The following HIPK2 variants were observed in gnomAD, a reference collection of about 807,000 sequenced individuals.
HIPK2 encodes homeodomain interacting protein kinase 2.
A neutral mutation model predicts 113.7 loss-of-function variants in HIPK2; 27 were observed. The observed-to-expected ratio is 0.24, with a 90% CI of 0.17 to 0.33. HIPK2 has a LOEUF of 0.33. Ranked by LOEUF, HIPK2 falls within the 10% of genes least tolerant of loss-of-function variation. HIPK2 has a pLI of 1.00. For synonymous variants in HIPK2, 631 were observed against 642.2 expected (o/e 0.98, Z 0.26); for missense variants, 1,257 against 1,588.0 (o/e 0.79, Z 3.54).
At chr7:139,739,946 T>G (rs1796050479) in intron 1 of HIPK2, among the ~76,000 whole-genome samples, 1 of 152,238 alleles carries the variant, frequency 6.6e-6, no homozygotes, top group African/African-American at 2.4e-5. Flanking sequence ...ACACTTTGTG[T>G]ATCCACTTGT....
chr7:139,675,585 T>A (rs1439123509), intron 2 of HIPK2, among the ~76,000 whole-genome samples: 10 of 152,168 alleles, frequency 6.6e-5, no homozygotes, highest in African/African-American at 2.4e-4. Context: ...GCCTGAGAGT[T>A]ACTGTGGAGA....
At chr7:139,620,591 T>C (rs1471469835) in intron 6 of HIPK2, 28 bp from the exon 7 acceptor site, 1 of 1,611,992 alleles carries the variant, frequency 6.2e-7, no homozygotes, top group African/African-American at 1.3e-5. Flanking sequence ...AGAGGCATAT[T>C]GAGACATAAG....
intron 1 of HIPK2, among the ~76,000 whole-genome samples, chr7:139,766,662 C>A (rs1249565545): frequency 1.3e-5 from 2 of 152,200 alleles, no homozygotes; most frequent in Non-Finnish European, 2.9e-5. Flanking sequence ...TAAGGGCATG[C>A]GCTGGCGACA....
intron 2 of HIPK2, among the ~76,000 whole-genome samples, chr7:139,677,203 G>A (rs2116683408): frequency 6.6e-6 from 1 of 151,830 alleles, no homozygotes; most frequent in East Asian, 1.9e-4. Context: ...GTATGTGTGT[G>A]TGTGTGTATG....
intron 13 of HIPK2, among the ~76,000 whole-genome samples, chr7:139,576,759 C>T (rs1798506029): frequency 6.6e-6 from 1 of 152,216 alleles, no homozygotes; most frequent in African/African-American, 2.4e-5. Context: ...CAGCCCAAGT[C>T]CAAGAAGGCT....
chr7:139,657,560 T>C (rs1801715405), intron 2 of HIPK2, among the ~76,000 whole-genome samples: 1 of 152,182 alleles, frequency 6.6e-6, no homozygotes, highest in Admixed American at 6.5e-5. Flanking sequence ...TGGGTAGACC[T>C]TTACTCTCAT....
rs1800514787 is a variant in HIPK2 at position 139,628,815 on chromosome 7, G to A, written c.1434+138C>T. ...AATGGTATTCTTACTAAGACTGGCT[G>A]TAACTATTTAAGGTCAAGGTCAACC... is the stretch of plus-strand genomic sequence containing the variant. On this transcript the variant is annotated intron_variant, in intron 5 of 14. Transcript: ENST00000406875. 5 of 686,734 alleles carry A rather than the reference G, an allele frequency of 7.3e-6. No individual in the cohort carries two copies. In the South Asian group the frequency reaches 7.7e-5, roughly 11 times the overall value. The allele number at this position is 686,734 out of a possible 1,614,324, so 42.5% of individuals were successfully genotyped here. A position where few individuals can be genotyped will look rare whatever the true frequency, so the allele number is the denominator to read the frequency against.
chr7:139,609,357 T>C (rs1360546752), intron 9 of HIPK2, among the ~76,000 whole-genome samples: 2 of 152,156 alleles, frequency 1.3e-5, no homozygotes, highest in Non-Finnish European at 2.9e-5. Flanking sequence ...CACAGAGGCC[T>C]GTTTCCCTGA....
chr7:139,705,974 C>T (rs945871200), intron 2 of HIPK2, among the ~76,000 whole-genome samples: 1 of 152,158 alleles, frequency 6.6e-6, no homozygotes, highest in African/African-American at 2.4e-5. Context: ...TTACAAGGAA[C>T]GTGAGCAGCA....
chr7:139,598,746 T>C (rs1332938843), intron 11 of HIPK2, among the ~76,000 whole-genome samples: 2 of 152,248 alleles, frequency 1.3e-5, no homozygotes, highest in African/African-American at 4.8e-5. Context: ...TTACTGCCCC[T>C]ACTCAGCCAA....
chr7:139,652,224 G>A (rs554042000), intron 2 of HIPK2, among the ~76,000 whole-genome samples: 1 of 152,224 alleles, frequency 6.6e-6, no homozygotes, highest in Non-Finnish European at 1.5e-5. Flanking sequence ...ATGTTCTTGA[G>A]AATATCCTTC....
intron 1 of HIPK2, among the ~76,000 whole-genome samples, chr7:139,773,065 C>T (rs1389358816): frequency 1.3e-5 from 2 of 152,100 alleles, no homozygotes; most frequent in Admixed American, 6.5e-5. Flanking sequence ...TTTGTCATTT[C>T]GACAAACCCA....
Position 139,630,590 on chromosome 7 carries a change from G to A in HIPK2, c.1347+575C>T, listed in dbSNP as rs181317784. The stretch of plus-strand genomic sequence containing the variant: ...TTTTTATACTTTTAGTAGAGACGGG[G>A]TTTCACCATGTTGGCCAGGCTGGTC... On this transcript the variant is annotated intron_variant, in intron 4 of 14. Coordinates refer to ENST00000406875, the MANE Select transcript of HIPK2 (RefSeq NM_022740.5). This position sits in a 1 kb window ranked among gnomAD's most constrained non-coding sequence, Gnocchi z 4.0. Among the ~76,000 whole-genome samples the A allele has an allele frequency of 2.3e-3, 353 of 152,208 alleles. 8 individuals carry two copies. The highest frequency in any genetic ancestry group is 0.021 in the Admixed American group (318 of 15,292).
In HIPK2 at chr7:139,731,004, G is replaced by A. The variant is rs909138597; in HGVS notation, c.20-13989C>T. On this transcript the variant is annotated intron_variant, in intron 1 of 14. Coordinates refer to ENST00000406875, the MANE Select transcript of HIPK2 (RefSeq NM_022740.5). Reference sequence around the variant, plus strand: ...AAGGGGATTTACCTGGAGTCTTCGAGGGAACGTGGCCCTGCCAACTCCTCC... The same window carrying A: ...AAGGGGATTTACCTGGAGTCTTCGAAGGAACGTGGCCCTGCCAACTCCTCC... 2.0e-5 allele frequency among the ~76,000 whole-genome samples: 3 copies of A among 152,178 alleles called. No individual in the cohort carries two copies. The East Asian group carries it at 5.8e-4, about 29-fold the overall frequency.
intron 9 of HIPK2, among the ~76,000 whole-genome samples, chr7:139,604,436 C>T (rs1308948588): frequency 6.6e-6 from 1 of 152,072 alleles, no homozygotes; most frequent in Admixed American, 6.5e-5. Flanking sequence ...AATCCTAGCA[C>T]TTTGGGAGGC....
intron 6 of HIPK2, among the ~76,000 whole-genome samples, chr7:139,623,842 C>T (rs1800328725): frequency 6.6e-6 from 1 of 152,158 alleles, no homozygotes; most frequent in Non-Finnish European, 1.5e-5. Context: ...TCTCACATCT[C>T]CAGGCTCTTC....
At position 139,614,404 on chromosome 7, in the gene HIPK2, C is replaced by T. The variant is rs772554221; in HGVS notation, c.1872G>A (p.Ala624=). Reference sequence around the variant, plus strand: ...GCTGGGCCACTGCAGCCATGGATGCCGCTGAGGGCTGGTAGAGTGTAGATG... The same window carrying T: ...GCTGGGCCACTGCAGCCATGGATGCTGCTGAGGGCTGGTAGAGTGTAGATG... ...NYPSTLYQPS[A]ASMAAVAQRS... is the part of the protein sequence containing the mutation. The change falls in exon 8 of 15, where the codon GCG becomes GCA. Residue 624 remains alanine (A), a synonymous_variant. Transcript: ENST00000406875. 18 of 1,572,066 alleles carry T rather than the reference C, an allele frequency of 1.1e-5. No individual in the cohort carries two copies. Among genetic ancestry groups the T allele is most frequent in the African/African-American group, 4.1e-5 (3 of 73,512 alleles).
chr7:139,765,777 C>T (rs997424355), intron 1 of HIPK2, among the ~76,000 whole-genome samples: 1 of 152,178 alleles, frequency 6.6e-6, no homozygotes, highest in African/African-American at 2.4e-5. Flanking sequence ...TAAATGCTCA[C>T]AGACTATGGA....
chr7:139,580,615 C>G (rs1798636640), intron 13 of HIPK2, among the ~76,000 whole-genome samples: 1 of 152,232 alleles, frequency 6.6e-6, no homozygotes, highest in Admixed American at 6.5e-5. Context: ...CCTGTCTACA[C>G]TAGGTGAGTT....
Sources: allele counts gnomAD v4.1 joint callset (sites outside exome capture counted in the v4.1 genomes callset), GRCh38; gene constraint gnomAD v4.1.1; non-coding constraint Gnocchi (gnomAD v3.1); transcripts MANE v1.5; gene names NCBI Gene and HGNC (gene_info 2026-07-23, HGNC 2026-07-21).